ACAD10: variants seen among roughly 807,000 people sequenced by gnomAD.
ACAD10 encodes ACAD-10.
A neutral mutation model predicts 116.8 loss-of-function variants in ACAD10; 112 were observed. The observed-to-expected ratio is 0.96, with a 90% CI of 0.82 to 1.12. The LOEUF (loss-of-function observed/expected upper bound fraction) is 1.12. Ranked by LOEUF, ACAD10 falls within the 50% of genes most tolerant of loss-of-function variation. ACAD10 has a pLI of 0.00. For missense variants in ACAD10, 1,259 were observed against 1,350.2 expected (o/e 0.93, Z 1.06); for synonymous variants, 486 against 510.6 (o/e 0.95, Z 0.65).
intron 2 of ACAD10, among the ~76,000 whole-genome samples, chr12:111,698,699 A>G (rs915301164): frequency 6.7e-6 from 1 of 148,946 alleles, no homozygotes. Flanking sequence ...CTGCTCTCGA[A>G]CTCCCTACCT....
rs909668112 is a variant in ACAD10, at chr12:111,722,776, T to C, written c.1061+1037T>C. 5.9e-3 allele frequency among the ~76,000 whole-genome samples: 893 copies of C among 152,292 alleles called. 9 individuals are homozygous for C. The highest frequency in any genetic ancestry group is 0.02 in the African/African-American group (842 of 41,528). ...ACAGAACAAAATGAAAAGTCTCCCA[T>C]GTCTACTTCTTTCTACACAGACACG... On this transcript the variant is annotated intron_variant, in intron 8 of 20. Coordinates refer to ENST00000313698, the MANE Select transcript of ACAD10 (RefSeq NM_025247.6).
chr12:111,755,750 G>A lies in ACAD10; in HGVS notation c.3039+5G>A, dbSNP rs765555807. On this transcript the variant is annotated splice_donor_5th_base_variant and intron_variant, in intron 20 of 20. Coordinates refer to ENST00000313698, the MANE Select transcript of ACAD10 (RefSeq NM_025247.6). ...GTGATTGATCGTGCGATTCAGGTGAGCACAGACCAGACAGTTGGCTTATTT... is the reference window on the plus strand; with the variant it reads ...GTGATTGATCGTGCGATTCAGGTGAACACAGACCAGACAGTTGGCTTATTT... The A allele has an allele frequency of 3.7e-6, 6 of 1,613,410 alleles. No individual in the cohort carries two copies. The South Asian group carries it at 4.4e-5, about 12-fold the overall frequency.
chr12:111,747,252 G>C, intron 15 of ACAD10, 43 bp from the exon 16 acceptor site: 1 of 1,613,412 alleles, frequency 6.2e-7, no homozygotes, highest in South Asian at 1.1e-5. Context: ...GGGAACACGG[G>C]CTGTCTGCTG....
At chr12:111,753,448 A>C (rs776381450) in intron 18 of ACAD10, 2 of 534,858 alleles carry the variant, frequency 3.7e-6, no homozygotes, top group East Asian at 9.3e-5. Context: ...GCTCAGATCT[A>C]TAACTGCTCC....
intron 9 of ACAD10, 104 bp downstream of exon 9, chr12:111,728,247 C>T (rs528719266): frequency 2.1e-5 from 24 of 1,148,466 alleles, no homozygotes; most frequent in African/African-American, 1.9e-4. Context: ...GCACACCAAG[C>T]GTAAGGCAGA....
chr12:111,730,738 A>G (rs1402586269), intron 10 of ACAD10, among the ~76,000 whole-genome samples: 1 of 151,598 alleles, frequency 6.6e-6, no homozygotes, highest in East Asian at 1.9e-4. Flanking sequence ...GGCTAATTTT[A>G]AAGACATTTC....
intron 18 of ACAD10, among the ~76,000 whole-genome samples, chr12:111,750,785 A>G (rs570374629): frequency 1.3e-5 from 2 of 152,112 alleles, no homozygotes; most frequent in Admixed American, 6.6e-5. Flanking sequence ...CAGGAATTCA[A>G]ATTGGTGATT....
intron 11 of ACAD10, among the ~76,000 whole-genome samples, chr12:111,734,951 C>T (rs530825594): frequency 4.0e-5 from 6 of 151,808 alleles, no homozygotes; most frequent in East Asian, 1.9e-4. Flanking sequence ...CGGCCGGGCG[C>T]GGTGGCCCAC....
In ACAD10 at chr12:111,756,617, T is replaced by G. The variant is rs79779492; in HGVS notation, c.*144T>G. 3.5e-3 allele frequency: 4,549 copies of G among 1,286,134 alleles called. 125 individuals carry two copies. In the African/African-American group the frequency reaches 0.058, roughly 16 times the overall value. 79.7% of individuals were successfully genotyped at this position (1,286,134 alleles called of 1,614,324 possible). On this transcript the variant is annotated 3_prime_UTR_variant, in exon 21 of 21. Transcript: ENST00000313698. ...CCCGGGACAGTCAGGGTGGACTCAATCTTTCTGGTTCTCCACAGAAGACGT... is the reference window on the plus strand; with the variant it reads ...CCCGGGACAGTCAGGGTGGACTCAAGCTTTCTGGTTCTCCACAGAAGACGT...
In ACAD10 at chr12:111,746,168, T is replaced by C; in HGVS notation, c.2140T>C (p.Trp714Arg). 1.2e-6 allele frequency: 2 copies of C among 1,613,848 alleles called. No individual in the cohort carries two copies. Among genetic ancestry groups the C allele is most frequent in the Non-Finnish European group, 1.7e-6 (2 of 1,179,938 alleles). ...LKEKAKAEGL[W>R]NLFLPLEADP... ...GGAGAAAGCCAAAGCTGAAGGACTT[T>C]GGAACCTTTTCCTACCCTTAGAGGC... Residue 714 changes from tryptophan (W) to arginine (R), a missense_variant, in exon 14 of 21, where the codon TGG (tryptophan) becomes CGG (arginine). Trp to Arg is a moderately radical substitution (Grantham distance 101, BLOSUM62 -3). Coordinates refer to ENST00000313698, the MANE Select transcript of ACAD10 (RefSeq NM_025247.6).
intron 8 of ACAD10, among the ~76,000 whole-genome samples, chr12:111,725,100 C>T (rs1566155944): frequency 6.6e-6 from 1 of 152,148 alleles, no homozygotes; most frequent in African/African-American, 2.4e-5. Flanking sequence ...CATTTTGCCA[C>T]ATTTATTTTC....
At chr12:111,746,441 G>A (rs1177145071) in intron 14 of ACAD10, among the ~76,000 whole-genome samples, 157 bp downstream of exon 14, 4 of 151,548 alleles carry the variant, frequency 2.6e-5, no homozygotes, top group Non-Finnish European at 5.9e-5. Flanking sequence ...AGGCTGGAGT[G>A]TAGTGGCGAA....
chr12:111,708,541 A>G (rs1349643677), intron 4 of ACAD10, among the ~76,000 whole-genome samples: 2 of 151,858 alleles, frequency 1.3e-5, no homozygotes, highest in South Asian at 2.1e-4. Flanking sequence ...TATTCCAGAC[A>G]TTTATTTACC....
chr12:111,708,089 A>C (rs1639392783), intron 4 of ACAD10, among the ~76,000 whole-genome samples: 1 of 152,220 alleles, frequency 6.6e-6, no homozygotes, highest in Non-Finnish European at 1.5e-5. Context: ...GAGCCTTGAT[A>C]AATAAAATCA....
In ACAD10 at chr12:111,728,051, G is replaced by T. The variant is rs541455128; in HGVS notation, c.1151G>T (p.Arg384Ile). 1.9e-6 allele frequency: 3 copies of T among 1,614,056 alleles called. No individual in the cohort carries two copies. The African/African-American group carries it at 4.0e-5, about 22-fold the overall frequency. The change falls in exon 9 of 21, where the codon AGA becomes ATA. Residue 384 changes from arginine to isoleucine, a missense_variant. Coordinates refer to ENST00000313698, the MANE Select transcript of ACAD10 (RefSeq NM_025247.6). ...CTGCCAGGCTTGGAGCCCAGCCACAGACGAGCCATATACACTGCCATGAAC... is the reference window on the plus strand; with the variant it reads ...CTGCCAGGCTTGGAGCCCAGCCACATACGAGCCATATACACTGCCATGAAC... The part of the protein sequence containing the change: ...PSLPGLEPSH[R>I]RAIYTAMNTV...
intron 8 of ACAD10, among the ~76,000 whole-genome samples, chr12:111,724,973 T>C (rs1889171965): frequency 6.6e-6 from 1 of 152,190 alleles, no homozygotes; most frequent in African/African-American, 2.4e-5. Context: ...TGTCTCTTCT[T>C]TCCTAATGTT....
chr12:111,700,459 T>C (rs1437575711), intron 2 of ACAD10, among the ~76,000 whole-genome samples: 1 of 152,324 alleles, frequency 6.6e-6, no homozygotes, highest in Non-Finnish European at 1.5e-5. Flanking sequence ...CAAATGTATG[T>C]GCATTTCAGA....
chr12:111,718,351 G>A (rs1281169016), intron 7 of ACAD10, among the ~76,000 whole-genome samples: 1 of 151,676 alleles, frequency 6.6e-6, no homozygotes, highest in Non-Finnish European at 1.5e-5. Flanking sequence ...GCCCACCCTA[G>A]TGATATCCTT....
chr12:111,745,257 G>C, intron 13 of ACAD10: 1 of 598,900 alleles, frequency 1.7e-6, no homozygotes, highest in Non-Finnish European at 2.9e-6. Context: ...GATGGCTCAG[G>C]TGTGACTGCA....
Sources: allele counts gnomAD v4.1 joint callset (sites outside exome capture counted in the v4.1 genomes callset), GRCh38; gene constraint gnomAD v4.1.1; transcripts MANE v1.5; gene names NCBI Gene and HGNC (gene_info 2026-07-23, HGNC 2026-07-21).